The following KMT2C variants were observed in gnomAD, a reference collection of about 807,000 sequenced individuals.
KMT2C encodes histone-lysine N-methyltransferase 2C.
A neutral mutation model predicts 507.9 loss-of-function variants in KMT2C; 88 were observed. The observed-to-expected ratio is 0.17, with a 90% CI of 0.15 to 0.21. The LOEUF (loss-of-function observed/expected upper bound fraction) is 0.21, where lower values mean the gene tolerates loss of function less well. Ranked by LOEUF, KMT2C falls within the 10% of genes least tolerant of loss-of-function variation. KMT2C has a pLI of 1.00. For synonymous variants in KMT2C, 2,049 were observed against 2,080.8 expected, an observed-to-expected ratio of 0.98 and a Z score of 0.42; for missense variants, 4,954 against 5,957.8, an observed-to-expected ratio of 0.83 and a Z score of 5.55.
intron 6 of KMT2C, among the ~76,000 whole-genome samples, chr7:152,280,292 C>T (rs2096181121): frequency 6.6e-6 from 1 of 151,996 alleles, no homozygotes; most frequent in African/African-American, 2.4e-5. Context: ...CCTGTAATCC[C>T]AGCACTTTGG....
intron 23 of KMT2C, among the ~76,000 whole-genome samples, chr7:152,208,366 A>G (rs563198194): frequency 1.1e-4 from 16 of 152,340 alleles, no homozygotes; most frequent in African/African-American, 3.6e-4. Context: ...ACTGTATTAA[A>G]GAATTCCTGA....
At chr7:152,433,668 CAT>C (rs1454757894) in intron 1 of KMT2C, among the ~76,000 whole-genome samples, 11 of 152,332 alleles carry the variant, frequency 7.2e-5, no homozygotes, top group Admixed American at 2.6e-4. Context: ...TTTGATTTTT[CAT>C]AGTTAGATTA....
chr7:152,345,866 A>C (rs1047960021), intron 2 of KMT2C, among the ~76,000 whole-genome samples: 5 of 152,146 alleles, frequency 3.3e-5, no homozygotes, highest in Admixed American at 1.3e-4. Flanking sequence ...TATTGTCTAC[A>C]AAAAAACCCC....
chr7:152,245,646 AG>A (rs1378207207), intron 14 of KMT2C, among the ~76,000 whole-genome samples: 2 of 152,212 alleles, frequency 1.3e-5, no homozygotes, highest in African/African-American at 4.8e-5. Context: ...ATCACAAACT[AG>A]ATCTTTCAGA....
intron 26 of KMT2C, among the ~76,000 whole-genome samples, chr7:152,201,723 G>C (rs1386483508): frequency 2.7e-5 from 4 of 149,896 alleles, no homozygotes; most frequent in African/African-American, 9.8e-5. Context: ...GCAAACCTAG[G>C]ATATAAGAGA....
chr7:152,150,813 G>A, intron 51 of KMT2C, 87 bp downstream of exon 51: 2 of 901,836 alleles, frequency 2.2e-6, no homozygotes, highest in South Asian at 2.8e-5. Flanking sequence ...ATGAAGGCAG[G>A]GACACATCTT....
Position 152,435,688 on chromosome 7 carries a change from G to A in KMT2C, c.99C>T (p.Asp33=), listed in dbSNP as rs2116821430. The part of the protein sequence containing the change: ...GAPAPSPAAA[D]KRPRGRPRKD... ...TGCGAGGCCGGCCCCGAGGTCTTTT[G>A]TCTGCGGCTGCGGGGCTCGGGGCCG... The change falls in exon 1 of 59, where the codon GAC becomes GAT. Residue 33 remains aspartate, a synonymous_variant. Coordinates refer to ENST00000262189, the MANE Select transcript of KMT2C (RefSeq NM_170606.3). 6.5e-7 allele frequency: 1 copy of A among 1,546,850 alleles called. No individual in the cohort carries two copies. The highest frequency in any genetic ancestry group is 8.7e-7 in the Non-Finnish European group (1 of 1,145,692).
At chr7:152,408,638 C>T (rs904812003) in intron 1 of KMT2C, among the ~76,000 whole-genome samples, 3 of 151,994 alleles carry the variant, frequency 2.0e-5, no homozygotes, top group African/African-American at 7.2e-5. Context: ...CTGCATGCTT[C>T]TTATGAGAAT....
chr7:152,223,565 G>A (rs1194067748), intron 20 of KMT2C, among the ~76,000 whole-genome samples: 5 of 152,004 alleles, frequency 3.3e-5, no homozygotes, highest in Admixed American at 2.0e-4. Context: ...AGGCTGAGGC[G>A]GGCGGTCAAA....
intron 18 of KMT2C, among the ~76,000 whole-genome samples, chr7:152,226,262 C>T (rs1159458306): frequency 4.6e-5 from 5 of 108,524 alleles, no homozygotes; most frequent in Non-Finnish European, 8.4e-5. Flanking sequence ...GAGTCTTGCT[C>T]TGCTCTGTTG....
chr7:152,370,375 A>G (rs2097285007), intron 1 of KMT2C, among the ~76,000 whole-genome samples: 1 of 152,176 alleles, frequency 6.6e-6, no homozygotes, highest in Non-Finnish European at 1.5e-5. Context: ...ATAGTATGAA[A>G]TTTTCTGAAA....
chr7:152,340,666 CA>C (rs894727484), intron 2 of KMT2C, among the ~76,000 whole-genome samples: 1 of 151,968 alleles, frequency 6.6e-6, no homozygotes, highest in Admixed American at 6.6e-5. Context: ...AGTAAATACA[CA>C]AAAAAAGCAC....
intron 3 of KMT2C, among the ~76,000 whole-genome samples, chr7:152,327,371 C>T (rs1049517073): frequency 9.2e-5 from 14 of 152,226 alleles, no homozygotes; most frequent in Non-Finnish European, 1.0e-4. Context: ...GTCAGGCATA[C>T]TGTGTCCTTA....
At chr7:152,297,051 A>AGGAAAGAAAGAAAGAC (rs2096514603) in intron 6 of KMT2C, among the ~76,000 whole-genome samples, 1 of 60,240 alleles carries the variant, frequency 1.7e-5, no homozygotes, top group African/African-American at 6.8e-5. Context: ...GAAAGAAAGA[A>AGGAAAGAAAGAAAGAC]AGACAGAGAG....
At chr7:152,356,220 A>G (rs1380995557) in intron 2 of KMT2C, among the ~76,000 whole-genome samples, 1 of 152,218 alleles carries the variant, frequency 6.6e-6, no homozygotes, top group Non-Finnish European at 1.5e-5. Flanking sequence ...TAAAGAATCA[A>G]AAATGAGAAG....
Position 152,163,379 on chromosome 7 carries a change from G to A in KMT2C, c.10198C>T (p.Arg3400Cys), listed in dbSNP as rs147350420. The A allele has an allele frequency of 4.5e-5, 73 of 1,613,984 alleles. No individual in the cohort carries two copies. The highest frequency in any genetic ancestry group is 2.6e-4 in the South Asian group (24 of 91,072). Residue 3400 changes from arginine (R) to cysteine (C), a missense_variant, in exon 43 of 59, where the codon CGT becomes TGT. Around this residue, in one of 29 missense-constraint regions of KMT2C, gnomAD observed 801 missense variants for 751.2 expected, o/e 1.07. Coordinates refer to ENST00000262189, the MANE Select transcript of KMT2C (RefSeq NM_170606.3). The stretch of plus-strand genomic sequence containing the variant: ...TGCTGTTCTCGTAAACGTTCCTTAC[G>A]TTCCCGTTCTTGAAAACTTTCACTA... ...PFSESFQERERKERLREQQER... is the reference protein window; with the variant it reads ...PFSESFQERECKERLREQQER...
chr7:152,333,370 T>C (rs2096901963), intron 2 of KMT2C, among the ~76,000 whole-genome samples: 2 of 152,148 alleles, frequency 1.3e-5, no homozygotes, highest in African/African-American at 4.8e-5. Context: ...CAAATCATCC[T>C]CCTGCCTTGG....
At chr7:152,150,051 T>C (rs1364166374) in intron 51 of KMT2C, among the ~76,000 whole-genome samples, 1 of 152,256 alleles carries the variant, frequency 6.6e-6, no homozygotes, top group Non-Finnish European at 1.5e-5. Flanking sequence ...AATGTTCTTC[T>C]GTGAAAGACA....
chr7:152,321,578 G>A (rs1053481744), intron 3 of KMT2C, among the ~76,000 whole-genome samples: 12 of 151,622 alleles, frequency 7.9e-5, no homozygotes, highest in African/African-American at 2.9e-4. Flanking sequence ...TAAAGTAGCA[G>A]GATACAAAGT....
Sources: gnomAD v4.1 joint callset for allele counts (sites outside exome capture counted in the v4.1 genomes callset) on GRCh38, gnomAD v4.1.1 for gene constraint, gnomAD v4.1.1 regional missense constraint, MANE v1.5 for transcripts, NCBI Gene and HGNC (gene_info 2026-07-23, HGNC 2026-07-21) for gene names.